PRR16: variants seen among roughly 807,000 people sequenced by gnomAD.
The protein encoded by PRR16 is protein Largen.
A neutral mutation model predicts 18.2 loss-of-function variants in PRR16; 6 were observed. The observed-to-expected ratio is 0.33, with a 90% confidence interval of 0.18 to 0.65. The LOEUF (loss-of-function observed/expected upper bound fraction) is 0.65. Ranked by LOEUF, PRR16 falls within the 30% of genes least tolerant of loss-of-function variation. The pLI is 0.74. For synonymous variants in PRR16, 151 were observed against 147.8 expected (o/e 1.02, Z -0.16); for missense variants, 412 against 376.6 (o/e 1.09, Z -0.78).
At chr5:120,487,051 C>T (rs1234652395) in intron 1 of PRR16, among the ~76,000 whole-genome samples, 8 of 152,078 alleles carry the variant, frequency 5.3e-5, no homozygotes, top group Non-Finnish European at 8.8e-5. Flanking sequence ...TTACTGTAGC[C>T]TTGTAGTATA....
At chr5:120,780,051 G>C in the PRR16 span, among the ~76,000 whole-genome samples, 1 of 152,230 alleles carries the variant, frequency 6.6e-6, no homozygotes, top group Non-Finnish European at 1.5e-5. Context: ...TCAACCTTGG[G>C]AGCTAGATAT....
At chr5:120,692,354 G>A in the PRR16 span, among the ~76,000 whole-genome samples, 1 of 152,168 alleles carries the variant, frequency 6.6e-6, no homozygotes, top group African/African-American at 2.4e-5. Context: ...TTTAGAGCAG[G>A]AGTCTCACAA....
chr5:120,791,100 T>C, the PRR16 span, among the ~76,000 whole-genome samples: 1 of 152,160 alleles, frequency 6.6e-6, no homozygotes, highest in Admixed American at 6.5e-5. Context: ...GTATTTGGCA[T>C]ATAACAGTTT....
intron 1 of PRR16, among the ~76,000 whole-genome samples, chr5:120,469,060 C>T (rs72786241): frequency 0.11 from 17,378 of 152,204 alleles, 1,073 homozygotes; most frequent in South Asian, 0.17. Flanking sequence ...ATTTGTCTTA[C>T]AATGGCATAA....
the PRR16 span, among the ~76,000 whole-genome samples, chr5:120,718,469 T>C: frequency 6.6e-6 from 1 of 152,152 alleles, no homozygotes; most frequent in African/African-American, 2.4e-5. Context: ...AGATATCTCA[T>C]GCAGACTCCA....
At chr5:120,752,959 A>G in the PRR16 span, among the ~76,000 whole-genome samples, 34,602 of 121,278 alleles carry the variant, frequency 0.29, 4,594 homozygotes, top group South Asian at 0.35. Flanking sequence ...AAAAAGTTAT[A>G]TAAAGATAAA....
the PRR16 span, chr5:120,790,150 A>T: frequency 6.6e-6 from 1 of 152,166 alleles, no homozygotes; most frequent in African/African-American, 2.4e-5. Context: ...ATCTTCCTCT[A>T]TCTGACAGCC....
the PRR16 span, among the ~76,000 whole-genome samples, chr5:120,767,613 T>G: frequency 6.6e-6 from 1 of 151,894 alleles, no homozygotes. Flanking sequence ...AGAAATTACT[T>G]TGATTGCATA....
intron 1 of PRR16, among the ~76,000 whole-genome samples, chr5:120,554,517 A>G (rs1752351405): frequency 6.6e-6 from 1 of 151,884 alleles, no homozygotes; most frequent in Non-Finnish European, 1.5e-5. Flanking sequence ...TAGGAAGAAA[A>G]GGTAACAATA....
the PRR16 span, among the ~76,000 whole-genome samples, chr5:120,719,815 T>C: frequency 6.6e-6 from 1 of 152,204 alleles, no homozygotes; most frequent in South Asian, 2.1e-4. Context: ...TTTTAAAAAA[T>C]TATTTTATCT....
At chr5:120,538,163 A>G (rs1050348790) in intron 1 of PRR16, among the ~76,000 whole-genome samples, 1 of 152,220 alleles carries the variant, frequency 6.6e-6, no homozygotes, top group Non-Finnish European at 1.5e-5. Context: ...TTGTCTATTC[A>G]TTGATTTCAT....
chr5:120,618,963 A>G (rs1754600479), intron 1 of PRR16, among the ~76,000 whole-genome samples: 1 of 142,294 alleles, frequency 7.0e-6, no homozygotes, highest in Non-Finnish European at 1.6e-5. Flanking sequence ...TTTTATGCAA[A>G]AAGTCAGAAC....
the PRR16 span, among the ~76,000 whole-genome samples, chr5:120,724,358 A>T: frequency 1.3e-5 from 2 of 152,080 alleles, 1 homozygote; most frequent in Non-Finnish European, 2.9e-5. Flanking sequence ...AATGATTAAT[A>T]AGTTGCTTCT....
At chr5:120,562,565 C>G (rs1329739518) in intron 1 of PRR16, among the ~76,000 whole-genome samples, 1 of 151,866 alleles carries the variant, frequency 6.6e-6, no homozygotes, top group African/African-American at 2.4e-5. Flanking sequence ...TCTTTTCTTC[C>G]TTCCTGACTT....
At chr5:120,631,305 G>T (rs1037652283) in intron 1 of PRR16, among the ~76,000 whole-genome samples, 1 of 152,104 alleles carries the variant, frequency 6.6e-6, no homozygotes, top group Non-Finnish European at 1.5e-5. Flanking sequence ...AAGAACTACT[G>T]CAGGAACATA....
At chr5:120,678,111 G>C (rs935200260) in intron 1 of PRR16, among the ~76,000 whole-genome samples, 24 of 151,998 alleles carry the variant, frequency 1.6e-4, no homozygotes, top group Admixed American at 2.0e-4. Flanking sequence ...GCGTTTAGCC[G>C]TGTTAGCCAG....
the PRR16 span, among the ~76,000 whole-genome samples, chr5:120,749,251 CTA>C: frequency 6.6e-6 from 1 of 152,040 alleles, no homozygotes; most frequent in South Asian, 2.1e-4. Flanking sequence ...TCTTAGTTCT[CTA>C]TAACATAAAA....
intron 1 of PRR16, among the ~76,000 whole-genome samples, chr5:120,501,948 TC>T (rs1244972049): frequency 5.2e-5 from 5 of 96,014 alleles, no homozygotes; most frequent in African/African-American, 1.8e-4. Flanking sequence ...AGAGCGATAC[TC>T]CGTCTCAAAA....
chr5:120,556,233 G>GTTT (rs34053155), intron 1 of PRR16, among the ~76,000 whole-genome samples: 6,884 of 121,638 alleles, frequency 0.057, 741 homozygotes, highest in African/African-American at 0.19. Context: ...CAATTTCATT[G>GTTT]TTTTTTTTTT....
Sources: allele counts gnomAD v4.1 joint callset (sites outside exome capture counted in the v4.1 genomes callset), GRCh38; gene constraint gnomAD v4.1.1; transcripts MANE v1.5; gene names NCBI Gene and HGNC (gene_info 2026-07-23, HGNC 2026-07-21).